MAPKAPK5: variants seen among roughly 807,000 people sequenced by gnomAD.
MAPKAPK5 encodes MAP kinase-activated protein kinase 5.
In MAPKAPK5, 30 loss-of-function variants were observed where a neutral mutation model predicts 65.1. The ratio of observed to expected loss-of-function variants is 0.46; its 90% CI spans 0.34 to 0.63. The LOEUF is 0.63. Among genes scored for constraint, MAPKAPK5 ranks in the 20% least tolerant of loss-of-function variants. The pLI is 0.01. For missense variants in MAPKAPK5, 433 were observed against 581.4 expected, an observed-to-expected ratio of 0.74 and a Z score of 2.63; for synonymous variants, 179 against 204.6, an observed-to-expected ratio of 0.87 and a Z score of 1.07.
chr12:111,884,655 C>T lies in MAPKAPK5; in HGVS notation c.848+887C>T, dbSNP rs147759437. 4.6e-3 allele frequency among the ~76,000 whole-genome samples: 708 copies of T among 152,264 alleles called. 7 individuals are homozygous for T. The highest frequency in any genetic ancestry group is 0.016 in the African/African-American group (647 of 41,538). On this transcript the variant is annotated intron_variant, in intron 9 of 13. Coordinates refer to ENST00000550735, the MANE Select transcript of MAPKAPK5 (RefSeq NM_003668.4). ...AATTAGAATATGTTTGTTTTTTCTG[C>T]CCACCTGTGTGGGAGGCTGGGTGCC...
Position 111,896,075 on chromosome 12 carries a change from C to T in MAPKAPK5, c.*3014C>T, listed in dbSNP as rs1413530137. The T allele has an allele frequency of 2.0e-5, 3 of 152,120 alleles. No individual in the cohort carries two copies. The highest frequency in any genetic ancestry group is 2.9e-5 in the Non-Finnish European group (2 of 68,020). The allele number at this position is 152,120 out of a possible 1,614,324, so 9.4% of individuals were successfully genotyped here. ...TCAGTATTCCATGGGGAGAAAAAAA[C>T]AGTAATTATCTTTGTTACTCTTCTT... On this transcript the variant is annotated 3_prime_UTR_variant, in exon 14 of 14. Transcript: ENST00000550735.
chr12:111,870,901 A>G (rs999832815), intron 6 of MAPKAPK5, among the ~76,000 whole-genome samples, 184 bp from the exon 7 acceptor site: 4 of 152,186 alleles, frequency 2.6e-5, no homozygotes, highest in African/African-American at 9.7e-5. Context: ...CTTCTGCATT[A>G]CTAAGGACAG....
chr12:111,878,408 A>AT (rs561586213), intron 7 of MAPKAPK5, among the ~76,000 whole-genome samples: 1 of 150,162 alleles, frequency 6.7e-6, no homozygotes, highest in African/African-American at 2.4e-5. Flanking sequence ...CTATTTATTT[A>AT]TTATTTATTT....
chr12:111,848,261 TC>T (rs1656781996), intron 1 of MAPKAPK5, among the ~76,000 whole-genome samples: 1 of 152,190 alleles, frequency 6.6e-6, no homozygotes, highest in Non-Finnish European at 1.5e-5. Context: ...TTTTCAGTCT[TC>T]CTATTTTAGT....
At chr12:111,845,927 AAAT>A (rs1241040733) in intron 1 of MAPKAPK5, among the ~76,000 whole-genome samples, 1 of 152,202 alleles carries the variant, frequency 6.6e-6, no homozygotes, top group African/African-American at 2.4e-5. Flanking sequence ...CTTCTCAAAA[AAAT>A]AATAATACCT....
At chr12:111,886,994 T>C (rs1008498815) in intron 10 of MAPKAPK5, among the ~76,000 whole-genome samples, 4 of 152,198 alleles carry the variant, frequency 2.6e-5, no homozygotes, top group South Asian at 2.1e-4. Context: ...TATCTGGTGA[T>C]AACATTGACA....
In MAPKAPK5 at chr12:111,899,037, G is replaced by T. The variant is rs949635378; in HGVS notation, c.*5976G>T. 1 of 152,216 alleles carries T rather than the reference G, an allele frequency of 6.6e-6. No individual in the cohort carries two copies. The highest frequency in any genetic ancestry group is 2.4e-5 in the African/African-American group (1 of 41,436). The allele number at this position is 152,216 out of a possible 1,614,324, so 9.4% of individuals were successfully genotyped here. A position where few individuals can be genotyped will look rare whatever the true frequency, so the allele number is the denominator to read the frequency against. Reference sequence around the variant, plus strand: ...ATAACTAAGGAAGATTAAAGTTGTTGCTGTTGGAAGGAAGACATACTAAAG... The same window carrying T: ...ATAACTAAGGAAGATTAAAGTTGTTTCTGTTGGAAGGAAGACATACTAAAG... On this transcript the variant is annotated 3_prime_UTR_variant, in exon 14 of 14. Coordinates refer to ENST00000550735, the MANE Select transcript of MAPKAPK5 (RefSeq NM_003668.4).
rs79192011 is a variant in MAPKAPK5, at chr12:111,858,408, C to T, written c.37-6842C>T. On this transcript the variant is annotated intron_variant, in intron 1 of 13. Coordinates refer to ENST00000550735, the MANE Select transcript of MAPKAPK5 (RefSeq NM_003668.4). ...CTCTCCCATTACACATATGTTGGAACGCTTGACATTATTCTACAGGTCTCA... is the reference window on the plus strand; with the variant it reads ...CTCTCCCATTACACATATGTTGGAATGCTTGACATTATTCTACAGGTCTCA... 6.3e-3 allele frequency among the ~76,000 whole-genome samples: 957 copies of T among 152,164 alleles called. 9 individuals carry two copies. The highest frequency in any genetic ancestry group is 8.3e-3 in the Non-Finnish European group (566 of 68,014).
intron 1 of MAPKAPK5, among the ~76,000 whole-genome samples, chr12:111,864,652 A>G (rs1479872413): frequency 1.3e-5 from 2 of 152,240 alleles, no homozygotes; most frequent in African/African-American, 4.8e-5. Flanking sequence ...TAAACTGTTG[A>G]AAGTTATTTA....
intron 12 of MAPKAPK5, 118 bp downstream of exon 12, chr12:111,889,118 C>T: frequency 8.6e-7 from 1 of 1,157,470 alleles, no homozygotes; most frequent in Non-Finnish European, 1.2e-6. Context: ...TTGTCTGTTT[C>T]ATCTTGTGTT....
chr12:111,880,712 A>G (rs2070172867), intron 8 of MAPKAPK5, among the ~76,000 whole-genome samples, 185 bp downstream of exon 8: 1 of 152,234 alleles, frequency 6.6e-6, no homozygotes, highest in Non-Finnish European at 1.5e-5. Context: ...AATATCAGAT[A>G]AGGTTCAGCC....
At chr12:111,891,807 TAAAA>T (rs57996871) in intron 13 of MAPKAPK5, among the ~76,000 whole-genome samples, 1 of 141,094 alleles carries the variant, frequency 7.1e-6, no homozygotes, top group Non-Finnish European at 1.5e-5. Context: ...ACTCCGTCTT[TAAAA>T]AAAAAAAAGG....
At chr12:111,866,642 T>C (rs2069623198) in intron 3 of MAPKAPK5, among the ~76,000 whole-genome samples, 1 of 152,256 alleles carries the variant, frequency 6.6e-6, no homozygotes, top group Non-Finnish European at 1.5e-5. Context: ...AGAGTTTCAC[T>C]CTTGTTGCCC....
chr12:111,901,029 TGTGGGA>T lies in MAPKAPK5; in HGVS notation c.*7969_*7974del. On this transcript the variant is annotated 3_prime_UTR_variant, in exon 14 of 14. Coordinates refer to ENST00000550735, the MANE Select transcript of MAPKAPK5 (RefSeq NM_003668.4). ...TCGGTGTTCAGATGGTAATATATTTTGTGGGAAACTTATATGTTCAGGTATTACAGG... is the reference window on the plus strand; with the variant it reads ...TCGGTGTTCAGATGGTAATATATTTTAACTTATATGTTCAGGTATTACAGG... 2.2e-6 allele frequency: 1 copy of T among 456,084 alleles called. No individual in the cohort carries two copies. 28.3% of individuals were successfully genotyped at this position (456,084 alleles called of 1,614,324 possible).
At position 111,888,578 on chromosome 12, in the gene MAPKAPK5, T is replaced by G; in HGVS notation, c.1060T>G (p.Ser354Ala). The G allele has an allele frequency of 1.2e-6, 2 of 1,613,964 alleles. No homozygotes were observed. Among genetic ancestry groups the G allele is most frequent in the Non-Finnish European group, 1.7e-6 (2 of 1,179,862 alleles). Residue 354 changes from serine (S) to alanine (A), a missense_variant, in exon 11 of 14, where the codon TCA (serine) becomes GCA (alanine). By Grantham distance (99) the Ser-to-Ala change is moderately conservative (BLOSUM62 1). This residue lies in a region of MAPKAPK5 where 169 missense variants were observed against 215.6 expected (regional missense o/e 0.78). Coordinates refer to ENST00000550735, the MANE Select transcript of MAPKAPK5 (RefSeq NM_003668.4). ...DLKVSLKPLH[S>A]VNNPILRKRK... The stretch of plus-strand genomic sequence containing the variant: ...GAAAGTCAGCCTCAAACCCCTGCAC[T>G]CAGTGAACAACCCCATTCTGCGGAA...
In MAPKAPK5 at chr12:111,896,371, A is replaced by T. The variant is rs1326950691; in HGVS notation, c.*3310A>T. ...AGCACCAAGCTGGAAGTTTGTGAAC[A>T]CTCTGGAGGATGCCCCAGCTGTTGT... On this transcript the variant is annotated 3_prime_UTR_variant, in exon 14 of 14. Transcript: ENST00000550735. 6.6e-6 allele frequency: 1 copy of T among 152,108 alleles called. No individual in the cohort carries two copies. The highest frequency in any genetic ancestry group is 2.4e-5 in the African/African-American group (1 of 41,410). 9.4% of individuals were successfully genotyped at this position (152,108 alleles called of 1,614,324 possible).
intron 1 of MAPKAPK5, among the ~76,000 whole-genome samples, chr12:111,861,975 G>C (rs2069454209): frequency 6.6e-6 from 1 of 152,218 alleles, no homozygotes; most frequent in Non-Finnish European, 1.5e-5. Flanking sequence ...TTAAGGTAGT[G>C]TGTATATTTC....
rs2071070047 is a variant in MAPKAPK5, at chr12:111,901,715, T to G, written c.*8654T>G. On this transcript the variant is annotated 3_prime_UTR_variant, in exon 14 of 14. Coordinates refer to ENST00000550735, the MANE Select transcript of MAPKAPK5 (RefSeq NM_003668.4). ...AGAATCAGATTCCTAAGGTTAGAAA[T>G]AGGGAGATGAAGCCAAGTATATCAA... 7.9e-6 allele frequency: 2 copies of G among 251,786 alleles called. No homozygotes were observed. The highest frequency in any genetic ancestry group is 1.0e-4 in the Admixed American group (2 of 19,290). The allele number at this position is 251,786 out of a possible 1,614,324, so 15.6% of individuals were successfully genotyped here. A position where few individuals can be genotyped will look rare whatever the true frequency, so the allele number is the denominator to read the frequency against.
intron 1 of MAPKAPK5, among the ~76,000 whole-genome samples, chr12:111,860,649 T>C (rs934715439): frequency 6.6e-6 from 1 of 152,116 alleles, no homozygotes; most frequent in Non-Finnish European, 1.5e-5. Context: ...GCAGTGGGGA[T>C]AGAGGAGTAG....
Sources: gnomAD v4.1 joint callset for allele counts (sites outside exome capture counted in the v4.1 genomes callset) on GRCh38, gnomAD v4.1.1 for gene constraint, gnomAD v4.1.1 regional missense constraint, MANE v1.5 for transcripts, NCBI Gene and HGNC (gene_info 2026-07-23, HGNC 2026-07-21) for gene names.